LRP1B: variants seen among roughly 807,000 people sequenced by gnomAD.
LRP1B encodes LDL receptor related protein 1B, also known as low-density lipoprotein receptor-related protein 1B.
In LRP1B, 217 loss-of-function variants were observed where a neutral mutation model predicts 556.6. That is an observed-to-expected ratio of 0.39 (90% CI 0.35 to 0.44). LRP1B has a LOEUF of 0.44. Among genes scored for constraint, LRP1B ranks in the 20% least tolerant of loss-of-function variants. The probability of loss-of-function intolerance (pLI) is 1.00; values close to 1 mark genes in which losing one functional copy is unlikely to be tolerated. For synonymous variants in LRP1B, 2,047 were observed against 1,865.8 expected, an observed-to-expected ratio of 1.10 and a Z score of -2.50; for missense variants, 5,053 against 5,620.8, an observed-to-expected ratio of 0.90 and a Z score of 3.23.
intron 83 of LRP1B, among the ~76,000 whole-genome samples, chr2:140,307,667 A>AT (rs1398989171): frequency 6.6e-6 from 1 of 151,892 alleles, no homozygotes; most frequent in African/African-American, 2.4e-5. Context: ...ATTTGGTTAC[A>AT]TTGTACCTCC....
In LRP1B at chr2:140,793,087, G is replaced by A. The variant is rs138540207; in HGVS notation, c.5360-16849C>T. ...CCAATGATTATAACAAATTAAAAGT[G>A]AAAGGCAGTTTATATATATTTTTTA... On this transcript the variant is annotated intron_variant, in intron 32 of 90. Transcript: ENST00000389484. 2.3e-3 allele frequency among the ~76,000 whole-genome samples: 353 copies of A among 152,046 alleles called. 1 individual carries two copies. Among genetic ancestry groups the A allele is most frequent in the Middle Eastern group, 0.014 (4 of 282 alleles).
intron 41 of LRP1B, among the ~76,000 whole-genome samples, chr2:140,621,538 T>C (rs1458142133): frequency 6.6e-6 from 1 of 152,078 alleles, no homozygotes; most frequent in Non-Finnish European, 1.5e-5. Context: ...ACCATCTTGA[T>C]TAAATTTATT....
intron 3 of LRP1B, among the ~76,000 whole-genome samples, chr2:141,375,471 G>T (rs1689392649): frequency 2.0e-5 from 3 of 152,050 alleles, no homozygotes; most frequent in African/African-American, 7.2e-5. Flanking sequence ...CAGTGGTGGA[G>T]CAACCCACTG....
intron 1 of LRP1B, among the ~76,000 whole-genome samples, chr2:142,062,802 G>T (rs1454378320): frequency 6.6e-6 from 1 of 151,640 alleles, no homozygotes; most frequent in Non-Finnish European, 1.5e-5. Context: ...ATATGGTTTA[G>T]AAGTATCATA....
At chr2:142,054,491 T>C (rs1040405425) in intron 1 of LRP1B, among the ~76,000 whole-genome samples, 2 of 152,148 alleles carry the variant, frequency 1.3e-5, no homozygotes, top group Non-Finnish European at 2.9e-5. Context: ...GCTATGTTCT[T>C]CCTTCCTTCC....
In LRP1B at chr2:140,674,499, G is replaced by GAT. The variant is rs1012211880; in HGVS notation, c.6799+25749_6799+25750dup. ...CAGACACTCCTTTCTACTGAATCCAGATCTTTAGATAACAATTGAACTCTT... is the reference window on the plus strand; with the variant it reads ...CAGACACTCCTTTCTACTGAATCCAGATATCTTTAGATAACAATTGAACTCTT... On this transcript the variant is annotated intron_variant, in intron 41 of 90. Transcript: ENST00000389484. 2.6e-5 allele frequency among the ~76,000 whole-genome samples: 4 copies of GAT among 152,276 alleles called. No individual in the cohort carries two copies. In the East Asian group the frequency reaches 7.7e-4, roughly 29 times the overall value.
intron 2 of LRP1B, among the ~76,000 whole-genome samples, chr2:141,494,485 T>C (rs1479561181): frequency 1.3e-5 from 2 of 151,916 alleles, no homozygotes; most frequent in Non-Finnish European, 2.9e-5. Context: ...CTACAGGGCC[T>C]TTGAGTGAGT....
At chr2:140,861,894 T>C (rs1573814796) in intron 27 of LRP1B, among the ~76,000 whole-genome samples, 1 of 152,376 alleles carries the variant, frequency 6.6e-6, no homozygotes, top group Middle Eastern at 3.4e-3. Flanking sequence ...TGTGTGTGTG[T>C]GCGCATGCAC....
At chr2:140,559,692 A>G (rs770779914) in intron 43 of LRP1B, among the ~76,000 whole-genome samples, 101 of 152,140 alleles carry the variant, frequency 6.6e-4, no homozygotes, top group African/African-American at 2.3e-3. Context: ...AAATAAAAAT[A>G]GTTTTAGATT....
intron 27 of LRP1B, among the ~76,000 whole-genome samples, chr2:140,859,153 A>C (rs538834649): frequency 2.1e-4 from 32 of 152,270 alleles, no homozygotes; most frequent in Admixed American, 2.0e-4. Context: ...GGAAGCAAAT[A>C]ATTTAAGCAA....
At chr2:142,060,960 G>A (rs1355175588) in intron 1 of LRP1B, among the ~76,000 whole-genome samples, 3 of 151,952 alleles carry the variant, frequency 2.0e-5, no homozygotes, top group Non-Finnish European at 4.4e-5. Context: ...TGCTGTCCTA[G>A]AGTAAGCTTT....
At chr2:140,509,520 G>T (rs1689563551) in intron 52 of LRP1B, among the ~76,000 whole-genome samples, 1 of 152,144 alleles carries the variant, frequency 6.6e-6, no homozygotes, top group Non-Finnish European at 1.5e-5. Flanking sequence ...CTGATCAGTA[G>T]TTATTTAGGA....
intron 35 of LRP1B, among the ~76,000 whole-genome samples, chr2:140,729,953 A>T (rs1687721351): frequency 6.6e-6 from 1 of 152,146 alleles, no homozygotes; most frequent in Non-Finnish European, 1.5e-5. Context: ...CAATCTTCTC[A>T]TTTACTTGTG....
chr2:140,872,064 T>TTC (rs1553549613), intron 25 of LRP1B, among the ~76,000 whole-genome samples: 1 of 141,654 alleles, frequency 7.1e-6, no homozygotes, highest in African/African-American at 2.6e-5. Flanking sequence ...TTTTTTTTTT[T>TTC]CTCTCCTAGG....
intron 41 of LRP1B, among the ~76,000 whole-genome samples, chr2:140,690,592 C>A (rs147296934): frequency 2.0e-5 from 3 of 152,302 alleles, no homozygotes; most frequent in Admixed American, 2.0e-4. Context: ...ATTTTGAATT[C>A]ATGGAAGCCA....
chr2:140,925,695 T>C (rs1694864211), intron 20 of LRP1B, among the ~76,000 whole-genome samples: 2 of 152,180 alleles, frequency 1.3e-5, no homozygotes, highest in Non-Finnish European at 1.5e-5. Flanking sequence ...CTCAGTATGT[T>C]TGACGAACAC....
chr2:141,852,823 G>T (rs1180104995), intron 1 of LRP1B, among the ~76,000 whole-genome samples: 1 of 151,214 alleles, frequency 6.6e-6, no homozygotes, highest in Admixed American at 6.6e-5. Context: ...AATTAAAAAT[G>T]CCAAAAGAAA....
Position 141,248,646 on chromosome 2 carries a change from G to C in LRP1B, c.464-1292C>G, listed in dbSNP as rs1056254750. On this transcript the variant is annotated intron_variant, in intron 4 of 90. Coordinates refer to ENST00000389484, the MANE Select transcript of LRP1B (RefSeq NM_018557.3). Reference sequence around the variant, plus strand: ...CGGCAGAAGAGATGAAACTGGGAAAGTACTTTGGGAGCCAGATAATGAAGA... The same window carrying C: ...CGGCAGAAGAGATGAAACTGGGAAACTACTTTGGGAGCCAGATAATGAAGA... Among the ~76,000 whole-genome samples the C allele has an allele frequency of 3.9e-5, 6 of 152,148 alleles. No homozygotes were observed. In the East Asian group the frequency reaches 1.2e-3, roughly 29 times the overall value.
At chr2:140,237,668 A>G (rs1680768059) in intron 89 of LRP1B, among the ~76,000 whole-genome samples, 1 of 150,722 alleles carries the variant, frequency 6.6e-6, no homozygotes, top group Non-Finnish European at 1.5e-5. Flanking sequence ...CTTTTCAGCC[A>G]TATTTCTAGA....
Sources: gnomAD v4.1 joint callset for allele counts (sites outside exome capture counted in the v4.1 genomes callset) on GRCh38, gnomAD v4.1.1 for gene constraint, MANE v1.5 for transcripts, NCBI Gene and HGNC (gene_info 2026-07-23, HGNC 2026-07-21) for gene names.